ESRP1: variants seen among roughly 807,000 people sequenced by gnomAD.
ESRP1 encodes the protein RNA-binding motif protein 35A.
ESRP1 carries 33 observed loss-of-function variants against 81.7 expected under a neutral mutation model. The observed-to-expected ratio is 0.40, with a 90% CI of 0.31 to 0.54. The LOEUF (loss-of-function observed/expected upper bound fraction) is 0.54, where lower values mean the gene tolerates loss of function less well. Ranked by LOEUF, ESRP1 falls within the 20% of genes least tolerant of loss-of-function variation. ESRP1 has a pLI of 0.41. For synonymous variants in ESRP1, 320 were observed against 303.3 expected (o/e 1.06, Z -0.57); for missense variants, 672 against 833.1 (o/e 0.81, Z 2.38).
chr8:94,696,236 G>A (rs1389385295), intron 14 of ESRP1, among the ~76,000 whole-genome samples: 1 of 152,128 alleles, frequency 6.6e-6, no homozygotes, highest in Non-Finnish European at 1.5e-5. Flanking sequence ...ATACTGAATG[G>A]ACTCTCAGGT....
chr8:94,683,110 A>T (rs941685445), intron 13 of ESRP1, among the ~76,000 whole-genome samples: 1 of 150,584 alleles, frequency 6.6e-6, no homozygotes, highest in East Asian at 2.0e-4. Flanking sequence ...ATGCCCAGCT[A>T]ATTTTGTATT....
intron 3 of ESRP1, 64 bp downstream of exon 3, chr8:94,643,480 A>C (rs1817712033): frequency 3.6e-6 from 4 of 1,123,840 alleles, no homozygotes; most frequent in Admixed American, 2.1e-5. Flanking sequence ...GGTTTTTAAA[A>C]ATTTTTGGTT....
chr8:94,662,168 A>G (rs921059803), intron 4 of ESRP1, 104 bp from the exon 5 acceptor site: 4 of 672,768 alleles, frequency 5.9e-6, no homozygotes, highest in South Asian at 4.2e-5. Flanking sequence ...AAGGAAGCTC[A>G]GCTAGATCCA....
At chr8:94,694,772 G>A (rs1303841257) in intron 14 of ESRP1, among the ~76,000 whole-genome samples, 3 of 152,150 alleles carry the variant, frequency 2.0e-5, no homozygotes, top group African/African-American at 7.2e-5. Flanking sequence ...AACCATTCAA[G>A]GTTGGAATAG....
At chr8:94,685,746 G>C (rs954337364) in intron 13 of ESRP1, among the ~76,000 whole-genome samples, 1 of 151,858 alleles carries the variant, frequency 6.6e-6, no homozygotes, top group African/African-American at 2.4e-5. Flanking sequence ...GTTACAGATT[G>C]TGCCACTGCT....
At chr8:94,650,249 T>C (rs1451152603) in intron 4 of ESRP1, among the ~76,000 whole-genome samples, 2 of 75,642 alleles carry the variant, frequency 2.6e-5, no homozygotes, top group African/African-American at 3.3e-5. Flanking sequence ...GTATAGAATT[T>C]TTTTGTTTGT....
At chr8:94,675,367 G>A (rs946817868) in intron 12 of ESRP1, among the ~76,000 whole-genome samples, 2 of 152,118 alleles carry the variant, frequency 1.3e-5, no homozygotes, top group Non-Finnish European at 2.9e-5. Context: ...ATAAAGCGGG[G>A]GATTTGGGCA....
chr8:94,669,932 CTCTAAAA>C (rs1209644865), intron 10 of ESRP1, among the ~76,000 whole-genome samples: 1 of 150,988 alleles, frequency 6.6e-6, no homozygotes, highest in Non-Finnish European at 1.5e-5. Context: ...AGTGCTGAAT[CTCTAAAA>C]TGTGCTTGAG....
At chr8:94,694,086 A>G (rs1809505175) in intron 14 of ESRP1, among the ~76,000 whole-genome samples, 1 of 152,236 alleles carries the variant, frequency 6.6e-6, no homozygotes, top group South Asian at 2.1e-4. Flanking sequence ...CTAAAAGCTT[A>G]TTGAAAAGGT....
rs1819329306 is a variant in ESRP1 at position 94,671,592 on chromosome 8, T to C, written c.1373T>C (p.Ile458Thr). The change falls in exon 11 of 16, where the codon ATT (isoleucine) becomes ACT (threonine). Residue 458 changes from isoleucine to threonine, a missense_variant. By Grantham distance (89) the Ile-to-Thr change is moderately conservative. Transcript: ENST00000433389. ...RLRGLPYAAT[I>T]EDILDFLGEF... Reference sequence around the variant, plus strand: ...CGAGGTCTTCCCTATGCAGCCACAATTGAGGACATCCTGGATTTCCTGGGG... The same window carrying C: ...CGAGGTCTTCCCTATGCAGCCACAACTGAGGACATCCTGGATTTCCTGGGG... The C allele has an allele frequency of 6.2e-7, 1 of 1,613,962 alleles. No homozygotes were observed. The highest frequency in any genetic ancestry group is 8.5e-7 in the Non-Finnish European group (1 of 1,179,870).
chr8:94,706,247 A>G lies in ESRP1; in HGVS notation c.*358A>G. On this transcript the variant is annotated 3_prime_UTR_variant, in exon 16 of 16. Coordinates refer to ENST00000433389, the MANE Select transcript of ESRP1 (RefSeq NM_017697.4). ...TTTCCTAAGTTTTAAGTCTTGGATAAAAACTCCACCAGTGTCTACCATCTC... is the reference window on the plus strand; with the variant it reads ...TTTCCTAAGTTTTAAGTCTTGGATAGAAACTCCACCAGTGTCTACCATCTC... 3.0e-6 allele frequency: 1 copy of G among 329,538 alleles called. No homozygotes were observed. Among genetic ancestry groups the G allele is most frequent in the East Asian group, 5.5e-5 (1 of 18,276 alleles). The allele number at this position is 329,538 out of a possible 1,614,324, so 20.4% of individuals were successfully genotyped here.
At chr8:94,656,451 G>A (rs1197276190) in intron 4 of ESRP1, among the ~76,000 whole-genome samples, 1 of 152,126 alleles carries the variant, frequency 6.6e-6, no homozygotes, top group Non-Finnish European at 1.5e-5. Context: ...TCGATCTCCT[G>A]ACCTTGTGAT....
chr8:94,701,353 G>A (rs547123921), intron 15 of ESRP1, among the ~76,000 whole-genome samples: 3 of 151,674 alleles, frequency 2.0e-5, no homozygotes, highest in South Asian at 2.1e-4. Context: ...CACCCACAGC[G>A]AGGTCTGGTA....
chr8:94,655,065 T>TTTTGTG lies in ESRP1; in HGVS notation c.491-7206_491-7205insTTGTGT, dbSNP rs545869490. On this transcript the variant is annotated intron_variant, in intron 4 of 15. Transcript: ENST00000433389. ...GTGTCTGTGAGGTTTTTTGGGTTTTTTGTGTGTGTGTGTGTGTGTGTGTTT... is the reference window on the plus strand; with the variant it reads ...GTGTCTGTGAGGTTTTTTGGGTTTTTTTTGTGTGTGTGTGTGTGTGTGTGTGTGTTT... Among the ~76,000 whole-genome samples the TTTTGTG allele has an allele frequency of 2.9e-3, 431 of 147,626 alleles. 4 individuals carry two copies. The highest frequency in any genetic ancestry group is 0.014 in the South Asian group (63 of 4,594).
At chr8:94,695,853 A>G (rs985668268) in intron 14 of ESRP1, among the ~76,000 whole-genome samples, 5 of 152,016 alleles carry the variant, frequency 3.3e-5, no homozygotes, top group South Asian at 4.2e-4. Flanking sequence ...ACCTGAGGCC[A>G]GGAGTTCAAG....
intron 4 of ESRP1, among the ~76,000 whole-genome samples, chr8:94,648,311 A>G (rs1042107031): frequency 9.9e-5 from 15 of 152,226 alleles, no homozygotes; most frequent in Non-Finnish European, 2.1e-4. Context: ...GTACTTGTAC[A>G]TGTCTTTCTC....
intron 11 of ESRP1, among the ~76,000 whole-genome samples, chr8:94,672,557 G>A (rs894172220): frequency 1.3e-5 from 2 of 151,018 alleles, no homozygotes; most frequent in East Asian, 3.9e-4. Flanking sequence ...TTTTGAGACA[G>A]AGTCTCACTC....
chr8:94,662,732 C>T (rs1488174184), intron 6 of ESRP1, among the ~76,000 whole-genome samples, 177 bp downstream of exon 6: 2 of 152,030 alleles, frequency 1.3e-5, no homozygotes, highest in Admixed American at 6.5e-5. Flanking sequence ...CTCAGCCTCC[C>T]GAGTAGCTGG....
At chr8:94,681,325 C>CA (rs1171703394) in intron 13 of ESRP1, among the ~76,000 whole-genome samples, 1,420 of 31,254 alleles carry the variant, frequency 0.045, 219 homozygotes, top group African/African-American at 0.087. Context: ...GACTCCATCT[C>CA]AAAAAAAAAA....
Sources: allele counts gnomAD v4.1 joint callset (sites outside exome capture counted in the v4.1 genomes callset), GRCh38; gene constraint gnomAD v4.1.1; transcripts MANE v1.5; gene names NCBI Gene and HGNC (gene_info 2026-07-23, HGNC 2026-07-21).